Variants in KPNB1 observed in about 807,000 individuals in gnomAD.
The protein encoded by KPNB1 is importin subunit beta-1.
Under a neutral mutation model 113.0 loss-of-function variants are expected in KPNB1, and 7 were observed. The observed-to-expected ratio is 0.06, with a 90% CI of 0.04 to 0.12. The LOEUF (loss-of-function observed/expected upper bound fraction) is 0.12, where lower values mean the gene tolerates loss of function less well. Ranked by LOEUF, KPNB1 falls within the 10% of genes least tolerant of loss-of-function variation. KPNB1 has a pLI of 1.00. For synonymous variants in KPNB1, 363 were observed against 378.6 expected (o/e 0.96, Z 0.48); for missense variants, 400 against 1,054.8 (o/e 0.38, Z 8.60).
Position 47,678,413 on chromosome 17 carries a change from C to A in KPNB1, c.2353C>A (p.Pro785Thr). The change falls in exon 19 of 22, where the codon CCG becomes ACG. Residue 785 changes from proline to threonine, a missense_variant and splice_region_variant. Physicochemically the swap from Pro to Thr is conservative, Grantham distance 38. Around this residue, in one of 2 missense-constraint regions of KPNB1, gnomAD observed 115 missense variants for 427.9 expected, o/e 0.27. Coordinates refer to ENST00000290158, the MANE Select transcript of KPNB1 (RefSeq NM_002265.6). ...GLKGDQENVHPDVMLVQPRVE... is the reference protein window; with the variant it reads ...GLKGDQENVHTDVMLVQPRVE... ...AAAGGGGGATCAGGAGAACGTACAC[C>A]GTTGAGTATACAACCCAGTTCCCTT... The A allele has an allele frequency of 6.2e-7, 1 of 1,605,652 alleles. No homozygotes were observed. Among genetic ancestry groups the A allele is most frequent in the Non-Finnish European group, 8.5e-7 (1 of 1,172,366 alleles).
chr17:47,685,487 G>A lies in KPNB1; in HGVS notation c.*3083G>A, dbSNP rs947727357. On this transcript the variant is annotated 3_prime_UTR_variant, in exon 22 of 22. Transcript: ENST00000290158. Reference sequence around the variant, plus strand: ...CACCTTTATCTTCTAAATAAAGTCCGCTTTATTTTTATTTTCAACATCTTG... The same window carrying A: ...CACCTTTATCTTCTAAATAAAGTCCACTTTATTTTTATTTTCAACATCTTG... 1.0e-4 allele frequency: 15 copies of A among 148,412 alleles called. No individual in the cohort carries two copies. The highest frequency in any genetic ancestry group is 2.7e-4 in the African/African-American group (11 of 40,252). 9.2% of individuals were successfully genotyped at this position (148,412 alleles called of 1,614,324 possible). A position where few individuals can be genotyped will look rare whatever the true frequency, so the allele number is the denominator to read the frequency against.
rs1477281533 is a variant in KPNB1 at position 47,680,164 on chromosome 17, A to G, written c.2468+30A>G. On this transcript the variant is annotated intron_variant, in intron 20 of 21. Coordinates refer to ENST00000290158, the MANE Select transcript of KPNB1 (RefSeq NM_002265.6). ...GTTATACCCTGCTTCTAAGAGCTGA[A>G]TAGAACTTCTCACAGAAAATGAGAA... The G allele has an allele frequency of 3.6e-6, 5 of 1,397,040 alleles. No homozygotes were observed. The South Asian group carries it at 5.8e-5, about 16-fold the overall frequency. The allele number at this position is 1,397,040 out of a possible 1,614,324, so 86.5% of individuals were successfully genotyped here.
At chr17:47,660,240 CTT>C (rs1057269299) in intron 5 of KPNB1, among the ~76,000 whole-genome samples, 1 of 152,112 alleles carries the variant, frequency 6.6e-6, no homozygotes, top group African/African-American at 2.4e-5. Flanking sequence ...GTTTGTTTTA[CTT>C]AGTATGATGT....
At chr17:47,655,632 A>G (rs1915696703) in intron 3 of KPNB1, among the ~76,000 whole-genome samples, 1 of 152,220 alleles carries the variant, frequency 6.6e-6, no homozygotes, top group South Asian at 2.1e-4. Context: ...CAGATTAGAC[A>G]GTGATCTACT....
At chr17:47,672,950 G>A in intron 12 of KPNB1, 68 bp from the exon 13 acceptor site, 1 of 1,473,180 alleles carries the variant, frequency 6.8e-7, no homozygotes, top group Non-Finnish European at 9.1e-7. Flanking sequence ...TTTTTGGCAA[G>A]ACATTGTCTA....
intron 5 of KPNB1, among the ~76,000 whole-genome samples, chr17:47,660,787 A>G (rs565592354): frequency 3.9e-5 from 6 of 152,370 alleles, no homozygotes; most frequent in Admixed American, 2.6e-4. Flanking sequence ...ATTTTCCTAC[A>G]TGTAAATTTT....
rs1213172091 is a variant in KPNB1 at position 47,675,383 on chromosome 17, TTGTTTG to T, written c.1912+603_1912+608del. Among the ~76,000 whole-genome samples, 145 of 106,006 alleles carry T rather than the reference TTGTTTG, an allele frequency of 1.4e-3. 13 individuals carry two copies. Among genetic ancestry groups the T allele is most frequent in the East Asian group, 1.7e-3 (6 of 3,484 alleles). The allele number at this position is 106,006 out of a possible 152,430, so 69.5% of individuals were successfully genotyped here. The stretch of plus-strand genomic sequence containing the variant: ...GTTGTTTTTTTTTTGTTTTTTTTTT[TTGTTTG>T]TTTTTTTTTTGAGACTTGTTCTGTT... On this transcript the variant is annotated intron_variant, in intron 15 of 21. Transcript: ENST00000290158.
chr17:47,656,529 G>T (rs1427454701), intron 3 of KPNB1, among the ~76,000 whole-genome samples: 2 of 148,546 alleles, frequency 1.3e-5, no homozygotes, highest in Non-Finnish European at 3.0e-5. Context: ...AACTGACTGA[G>T]GCCTTGTATT....
chr17:47,663,275 T>C, intron 7 of KPNB1, 97 bp downstream of exon 7: 1 of 726,136 alleles, frequency 1.4e-6, no homozygotes, highest in Non-Finnish European at 2.5e-6. Context: ...TTTTACTTAA[T>C]ACTATGGAAT....
At position 47,678,760 on chromosome 17, in the gene KPNB1, A is replaced by G. The variant is rs2030687271; in HGVS notation, c.2353+347A>G. On this transcript the variant is annotated intron_variant, in intron 19 of 21. Coordinates refer to ENST00000290158, the MANE Select transcript of KPNB1 (RefSeq NM_002265.6). ...GTAGCTGGAACTATACACATCTGCCACTATGCCTGGCTAATTTTTATATTT... is the reference window on the plus strand; with the variant it reads ...GTAGCTGGAACTATACACATCTGCCGCTATGCCTGGCTAATTTTTATATTT... 3 of 198,602 alleles carry G rather than the reference A, an allele frequency of 1.5e-5. No homozygotes were observed. In the South Asian group the frequency reaches 2.8e-4, roughly 19 times the overall value. 12.3% of individuals were successfully genotyped at this position (198,602 alleles called of 1,614,324 possible).
chr17:47,657,482 C>T (rs962178757), intron 4 of KPNB1, among the ~76,000 whole-genome samples: 1 of 152,024 alleles, frequency 6.6e-6, no homozygotes, highest in African/African-American at 2.4e-5. Flanking sequence ...TTAGATGTAG[C>T]CCCCCCAGCA....
At position 47,682,509 on chromosome 17, in the gene KPNB1, T is replaced by C. The variant is rs1206040896; in HGVS notation, c.*105T>C. On this transcript the variant is annotated 3_prime_UTR_variant, in exon 22 of 22. Transcript: ENST00000290158. ...TGCACGGATGCTGAATGTTTGGGAA[T>C]GAGAGGATGAGTGAGTGAGGCTTGA... is the stretch of plus-strand genomic sequence containing the variant. The C allele has an allele frequency of 3.9e-6, 3 of 764,634 alleles. No individual in the cohort carries two copies. The African/African-American group carries it at 5.2e-5, about 13-fold the overall frequency. 47.4% of individuals were successfully genotyped at this position (764,634 alleles called of 1,614,324 possible).
intron 14 of KPNB1, among the ~76,000 whole-genome samples, chr17:47,674,153 G>A (rs1037742546): frequency 3.3e-5 from 5 of 152,152 alleles, no homozygotes; most frequent in Admixed American, 2.0e-4. Flanking sequence ...TGAAACAAAC[G>A]AGTGAGGAAG....
chr17:47,649,937 T>TCTCACTCACAGCCTCCC lies in KPNB1; in HGVS notation c.-307_-291dup. Reference sequence around the variant, plus strand: ...CCTCGCTCCCTCCCTGCGCGCCGCCTCTCACTCACAGCCTCCCTTCCTTCT... The same window carrying TCTCACTCACAGCCTCCC: ...CCTCGCTCCCTCCCTGCGCGCCGCCTCTCACTCACAGCCTCCCCTCACTCACAGCCTCCCTTCCTTCT... On this transcript the variant is annotated 5_prime_UTR_variant, in exon 1 of 22. Transcript: ENST00000290158. 1 of 1,282,920 alleles carries TCTCACTCACAGCCTCCC rather than the reference T, an allele frequency of 7.8e-7. No homozygotes were observed. Among genetic ancestry groups the TCTCACTCACAGCCTCCC allele is most frequent in the South Asian group, 2.3e-5 (1 of 42,566 alleles). The allele number at this position is 1,282,920 out of a possible 1,614,324, so 79.5% of individuals were successfully genotyped here.
chr17:47,656,952 G>A lies in KPNB1; in HGVS notation c.375G>A (p.Gln125=). ...CTTGTGCAGAGATCCCAGTAAACCA[G>A]TGGCCAGAACTCATTCCTCAGCTGG... ...GIACAEIPVN[Q]WPELIPQLVA... The change falls in exon 4 of 22, where the codon CAG becomes CAA. Residue 125 remains glutamine, a synonymous_variant. Coordinates refer to ENST00000290158, the MANE Select transcript of KPNB1 (RefSeq NM_002265.6). The A allele has an allele frequency of 6.2e-7, 1 of 1,614,190 alleles. No homozygotes were observed. The highest frequency in any genetic ancestry group is 1.1e-5 in the South Asian group (1 of 91,086).
rs573886076 is a variant in KPNB1, at chr17:47,684,798, C to T, written c.*2394C>T. ...GGGCTGGTTGGATGTGGTCTTGGTGCCTTGCAGTTACTCTGCACTGGTTAT... is the reference window on the plus strand; with the variant it reads ...GGGCTGGTTGGATGTGGTCTTGGTGTCTTGCAGTTACTCTGCACTGGTTAT... On this transcript the variant is annotated 3_prime_UTR_variant, in exon 22 of 22. Coordinates refer to ENST00000290158, the MANE Select transcript of KPNB1 (RefSeq NM_002265.6). 1 of 152,830 alleles carries T rather than the reference C, an allele frequency of 6.5e-6. No homozygotes were observed. The highest frequency in any genetic ancestry group is 6.5e-5 in the Admixed American group (1 of 15,298). 9.5% of individuals were successfully genotyped at this position (152,830 alleles called of 1,614,324 possible). A position where few individuals can be genotyped will look rare whatever the true frequency, so the allele number is the denominator to read the frequency against.
At chr17:47,664,668 T>C (rs77656233) in intron 8 of KPNB1, among the ~76,000 whole-genome samples, 2,434 of 152,296 alleles carry the variant, frequency 0.016, 30 homozygotes, top group Non-Finnish European at 0.022. Flanking sequence ...AGTTCTGTAC[T>C]TGGGATCTTT....
At chr17:47,679,554 A>G (rs1243682265) in intron 19 of KPNB1, among the ~76,000 whole-genome samples, 1 of 152,242 alleles carries the variant, frequency 6.6e-6, no homozygotes, top group Non-Finnish European at 1.5e-5. Context: ...ACATTAATCA[A>G]AGGAAGAATA....
intron 3 of KPNB1, among the ~76,000 whole-genome samples, chr17:47,653,123 C>T (rs538876048): frequency 1.3e-4 from 20 of 152,240 alleles, no homozygotes; most frequent in African/African-American, 4.6e-4. Context: ...ACTTTAATTA[C>T]GTGCCATAAT....
Sources: allele counts gnomAD v4.1 joint callset (sites outside exome capture counted in the v4.1 genomes callset), GRCh38; gene constraint gnomAD v4.1.1; regional missense constraint gnomAD v4.1.1; transcripts MANE v1.5; gene names NCBI Gene and HGNC (gene_info 2026-07-23, HGNC 2026-07-21).